KIAA0825: variants seen among roughly 807,000 people sequenced by gnomAD.
KIAA0825 encodes KIAA0825.
In KIAA0825, 119 loss-of-function variants were observed where a neutral mutation model predicts 147.6. That is an observed-to-expected ratio of 0.81 (90% confidence interval 0.69 to 0.94). The LOEUF is 0.94. KIAA0825 is among the 40% of genes least tolerant of loss of function. The pLI, the probability that KIAA0825 is intolerant of heterozygous loss-of-function variation, is 0.00. For synonymous variants in KIAA0825, 470 were observed against 518.1 expected (o/e 0.91, Z 1.26); for missense variants, 1,381 against 1,472.7 (o/e 0.94, Z 1.02).
intron 20 of KIAA0825, among the ~76,000 whole-genome samples, chr5:94,362,233 G>T (rs1745162831): frequency 6.6e-6 from 1 of 152,072 alleles, no homozygotes; most frequent in South Asian, 2.1e-4. Context: ...GGACTGGAAA[G>T]AAAGAATCTG....
chr5:94,179,821 T>A (rs1479644222), intron 20 of KIAA0825, among the ~76,000 whole-genome samples: 2 of 152,086 alleles, frequency 1.3e-5, no homozygotes, highest in African/African-American at 4.8e-5. Context: ...CATTGGATTA[T>A]AACCAAATAA....
At chr5:94,371,247 C>T (rs1746664719) in intron 20 of KIAA0825, among the ~76,000 whole-genome samples, 1 of 152,154 alleles carries the variant, frequency 6.6e-6, no homozygotes, top group Admixed American at 6.5e-5. Context: ...GCTGTATCCT[C>T]AAGGTACACT....
At position 94,594,564 on chromosome 5, in the gene KIAA0825, C is replaced by T. The variant is rs868477715; in HGVS notation, c.-152-11981G>A. ...TACTGAAATAGTTGGATCAAGGCTG[C>T]CACCAGGAGCTGAAAGGATTGCTTT... On this transcript the variant is annotated intron_variant, in intron 1 of 20. Transcript: ENST00000682413. 264 of 733,426 alleles carry T rather than the reference C, an allele frequency of 3.6e-4. 1 individual carries two copies. Among genetic ancestry groups the T allele is most frequent in the Middle Eastern group, 2.3e-3 (6 of 2,582 alleles). The allele number at this position is 733,426 out of a possible 1,614,324, so 45.4% of individuals were successfully genotyped here.
chr5:94,484,123 T>C (rs542656393), intron 6 of KIAA0825, among the ~76,000 whole-genome samples: 31 of 151,896 alleles, frequency 2.0e-4, no homozygotes, highest in African/African-American at 7.2e-4. Context: ...ACACACAGCA[T>C]GGCTTTTTTC....
chr5:94,480,294 A>G (rs1212143769), intron 6 of KIAA0825, among the ~76,000 whole-genome samples: 5 of 152,124 alleles, frequency 3.3e-5, no homozygotes, highest in Non-Finnish European at 7.4e-5. Context: ...AAATTGTTAT[A>G]AAAGAGAATT....
chr5:94,354,471 G>A (rs779306297), intron 20 of KIAA0825, among the ~76,000 whole-genome samples: 24 of 151,744 alleles, frequency 1.6e-4, no homozygotes, highest in Non-Finnish European at 2.9e-4. Context: ...CTTCCTTAAG[G>A]GTATAAATTG....
At chr5:94,364,183 G>A (rs957140406) in intron 20 of KIAA0825, among the ~76,000 whole-genome samples, 3 of 151,852 alleles carry the variant, frequency 2.0e-5, no homozygotes, top group Non-Finnish European at 2.9e-5. Context: ...GTGTATAAAT[G>A]CCCCGAGAAT....
chr5:94,598,589 C>T lies in KIAA0825; in HGVS notation c.-152-16006G>A, dbSNP rs146248143. Among the ~76,000 whole-genome samples, 1,239 of 152,076 alleles carry T rather than the reference C, an allele frequency of 8.1e-3. 12 individuals are homozygous for T. Among genetic ancestry groups the T allele is most frequent in the Non-Finnish European group, 9.0e-3 (614 of 67,944 alleles). On this transcript the variant is annotated intron_variant, in intron 1 of 20. Coordinates refer to ENST00000682413, the MANE Select transcript of KIAA0825 (RefSeq NM_001145678.3). ...ATGAAATATATAGTAAATACATAAA[C>T]CAGTAACACAGTCATTTATTATCAT... is the stretch of plus-strand genomic sequence containing the variant.
chr5:94,387,061 A>G (rs1457292605), intron 18 of KIAA0825, among the ~76,000 whole-genome samples: 1 of 152,226 alleles, frequency 6.6e-6, no homozygotes, highest in Admixed American at 6.5e-5. Flanking sequence ...AACAATCCTT[A>G]TGTATTTTAT....
chr5:94,216,929 A>C (rs1773253371), intron 20 of KIAA0825, among the ~76,000 whole-genome samples: 1 of 152,236 alleles, frequency 6.6e-6, no homozygotes, highest in Non-Finnish European at 1.5e-5. Flanking sequence ...AACTTGAATC[A>C]GGCCCTCATT....
intron 1 of KIAA0825, among the ~76,000 whole-genome samples, chr5:94,607,722 T>C (rs1317878799): frequency 2.0e-5 from 3 of 152,218 alleles, no homozygotes; most frequent in Non-Finnish European, 4.4e-5. Context: ...ATTATTATCT[T>C]ACAGTTGTCT....
chr5:94,519,204 T>G (rs1767717532), intron 5 of KIAA0825: 1 of 866,596 alleles, frequency 1.2e-6, no homozygotes, highest in Non-Finnish European at 1.4e-6. Flanking sequence ...AAAATTCATA[T>G]ATCACATTAA....
At chr5:94,456,270 T>G (rs1410088721) in intron 12 of KIAA0825, among the ~76,000 whole-genome samples, 2 of 152,328 alleles carry the variant, frequency 1.3e-5, no homozygotes. Context: ...ACTTCATTCC[T>G]CTAAGAATGA....
chr5:94,242,307 G>A (rs1775386782), intron 20 of KIAA0825, among the ~76,000 whole-genome samples: 1 of 152,098 alleles, frequency 6.6e-6, no homozygotes, highest in Non-Finnish European at 1.5e-5. Flanking sequence ...TATCTCTTCT[G>A]TTATTCTCCT....
chr5:94,394,032 T>G (rs905531790), intron 17 of KIAA0825, among the ~76,000 whole-genome samples: 6 of 151,696 alleles, frequency 4.0e-5, no homozygotes, highest in African/African-American at 1.5e-4. Context: ...TTGTATTTTT[T>G]GTAGAGACGG....
At chr5:94,595,241 A>C (rs1054923880) in intron 1 of KIAA0825, among the ~76,000 whole-genome samples, 1 of 152,186 alleles carries the variant, frequency 6.6e-6, no homozygotes, top group East Asian at 1.9e-4. Flanking sequence ...CCCCTGCAGC[A>C]CACCTCTGTC....
intron 1 of KIAA0825, among the ~76,000 whole-genome samples, chr5:94,592,259 C>A (rs1376865875): frequency 6.6e-6 from 1 of 152,106 alleles, no homozygotes; most frequent in Non-Finnish European, 1.5e-5. Context: ...CTAGATACAG[C>A]AAGGGTACAG....
At chr5:94,554,191 T>C (rs967354406) in intron 2 of KIAA0825, among the ~76,000 whole-genome samples, 21 of 152,162 alleles carry the variant, frequency 1.4e-4, no homozygotes, top group African/African-American at 5.1e-4. Flanking sequence ...TGTTCCCAGG[T>C]TCCCCTGACT....
At chr5:94,586,590 C>G (rs1032121958) in intron 1 of KIAA0825, among the ~76,000 whole-genome samples, 1 of 152,174 alleles carries the variant, frequency 6.6e-6, no homozygotes, top group African/African-American at 2.4e-5. Flanking sequence ...CAGACAGATT[C>G]ACAGCCAAAT....
Sources: allele counts gnomAD v4.1 joint callset (sites outside exome capture counted in the v4.1 genomes callset), GRCh38; gene constraint gnomAD v4.1.1; transcripts MANE v1.5; gene names NCBI Gene and HGNC (gene_info 2026-07-23, HGNC 2026-07-21).